Variants in GLT8D2 observed in about 807,000 individuals in gnomAD.
GLT8D2 encodes glycosyltransferase 8 domain containing 2, also known as glycosyltransferase 8 domain-containing protein 2.
Under a neutral mutation model 44.5 loss-of-function variants are expected in GLT8D2, and 45 were observed. The ratio of observed to expected loss-of-function variants is 1.01; its 90% CI spans 0.80 to 1.30. GLT8D2 has a LOEUF of 1.30. GLT8D2 is among the 50% of genes most tolerant of loss of function. The pLI is 0.00. For synonymous variants in GLT8D2, 156 were observed against 157.2 expected (o/e 0.99, Z 0.06); for missense variants, 400 against 430.4 (o/e 0.93, Z 0.62).
chr12:104,053,038 G>A (rs1463186323), upstream of GLT8D2, among the ~76,000 whole-genome samples: 2 of 152,164 alleles, frequency 1.3e-5, no homozygotes, highest in Non-Finnish European at 2.9e-5. Flanking sequence ...ACACATGAGC[G>A]AAAATAAGAA....
intron 3 of GLT8D2, 129 bp from the exon 4 acceptor site, chr12:104,015,234 A>G: frequency 1.5e-6 from 1 of 651,906 alleles, no homozygotes; most frequent in Non-Finnish European, 2.7e-6. Context: ...CCTTTCTATA[A>G]GCAGACAGCA....
chr12:104,024,455 A>C (rs961167981), intron 1 of GLT8D2, among the ~76,000 whole-genome samples: 10 of 152,122 alleles, frequency 6.6e-5, no homozygotes, highest in Admixed American at 6.6e-5. Context: ...AAGAAAAAGA[A>C]AGAAACTGAC....
In GLT8D2 at chr12:104,003,163, C is replaced by G; in HGVS notation, c.256G>C (p.Gly86Arg). 6.2e-7 allele frequency: 1 copy of G among 1,613,916 alleles called. No individual in the cohort carries two copies. The highest frequency in any genetic ancestry group is 8.5e-7 in the Non-Finnish European group (1 of 1,179,946). ...TDANILFYVVGLRNTLTRIRK... is the reference protein window; with the variant it reads ...TDANILFYVVRLRNTLTRIRK... ...ATTCGAGTCAGAGTATTCCGGAGTC[C>G]CACTACATAGAACAAGATGTTGGCG... Residue 86 changes from glycine (G) to arginine (R), a missense_variant, in exon 5 of 11, where the codon GGA becomes CGA. Gly to Arg is a moderately radical substitution (Grantham distance 125). Transcript: ENST00000360814.
intron 4 of GLT8D2, among the ~76,000 whole-genome samples, chr12:104,006,544 G>A (rs1875036965): frequency 1.3e-5 from 2 of 152,152 alleles, no homozygotes; most frequent in South Asian, 4.1e-4. Context: ...GAGGTGGCAT[G>A]AAGAGATAAC....
chr12:104,024,015 T>C (rs1418364741), intron 1 of GLT8D2, among the ~76,000 whole-genome samples: 4 of 152,158 alleles, frequency 2.6e-5, no homozygotes, highest in African/African-American at 4.8e-5. Flanking sequence ...GGTTTTTGTG[T>C]GAATAGAGGG....
chr12:104,015,396 AC>A (rs1876432305), intron 3 of GLT8D2, among the ~76,000 whole-genome samples: 1 of 102,784 alleles, frequency 9.7e-6, no homozygotes. Flanking sequence ...AACAACAAAC[AC>A]ACACACACAC....
At chr12:104,056,699 T>C (rs985897615) in intron 1 of GLT8D2, among the ~76,000 whole-genome samples, 26 of 152,362 alleles carry the variant, frequency 1.7e-4, no homozygotes, top group African/African-American at 5.1e-4. Context: ...GTTACCACAG[T>C]ATATTCACTG....
At chr12:103,999,766 C>T (rs145686804) in intron 5 of GLT8D2, among the ~76,000 whole-genome samples, 3 of 152,290 alleles carry the variant, frequency 2.0e-5, no homozygotes, top group African/African-American at 7.2e-5. Context: ...CCAAATCTCT[C>T]CCCAGATCCA....
intron 3 of GLT8D2, 74 bp downstream of exon 3, chr12:104,019,556 A>G (rs982614602): frequency 8.5e-7 from 1 of 1,176,708 alleles, no homozygotes; most frequent in Non-Finnish European, 1.2e-6. Flanking sequence ...AGAAGAAAAG[A>G]GCCAAGCCCC....
intron 1 of GLT8D2, among the ~76,000 whole-genome samples, chr12:104,045,937 A>AAGAGAAAG (rs68019401): frequency 2.6e-5 from 3 of 113,566 alleles, no homozygotes; most frequent in Non-Finnish European, 5.6e-5. Flanking sequence ...GAAAGAAAGA[A>AAGAGAAAG]AAAGAAAGAA....
intron 1 of GLT8D2, among the ~76,000 whole-genome samples, chr12:104,032,069 A>G (rs1229786936): frequency 3.7e-5 from 5 of 136,354 alleles, no homozygotes; most frequent in African/African-American, 1.4e-4. Flanking sequence ...CTAGGTTGGG[A>G]TCAATCCTGA....
chr12:104,043,076 C>T (rs1399010194), intron 1 of GLT8D2, among the ~76,000 whole-genome samples: 1 of 152,222 alleles, frequency 6.6e-6, no homozygotes, highest in African/African-American at 2.4e-5. Context: ...CTCTCTCCTC[C>T]TTACATGCTT....
chr12:104,004,658 G>C (rs1231169836), intron 4 of GLT8D2, among the ~76,000 whole-genome samples: 1 of 152,132 alleles, frequency 6.6e-6, no homozygotes, highest in Non-Finnish European at 1.5e-5. Flanking sequence ...AAATACCTAG[G>C]AATCCAACTT....
intron 10 of GLT8D2, 125 bp downstream of exon 10, chr12:103,993,267 G>A: frequency 1.4e-6 from 1 of 734,554 alleles, no homozygotes; most frequent in African/African-American, 1.7e-5. Flanking sequence ...GGAAGCGGAG[G>A]TTCCAGTGAG....
At chr12:104,041,607 T>C (rs1447743000) in intron 1 of GLT8D2, among the ~76,000 whole-genome samples, 2 of 152,112 alleles carry the variant, frequency 1.3e-5, no homozygotes, top group Non-Finnish European at 2.9e-5. Flanking sequence ...AAAGCTAAGA[T>C]GGGATAAGGG....
intron 1 of GLT8D2, among the ~76,000 whole-genome samples, chr12:104,028,002 G>A (rs1313445569): frequency 6.6e-6 from 1 of 152,190 alleles, no homozygotes; most frequent in African/African-American, 2.4e-5. Flanking sequence ...GTAACTATGA[G>A]ACCACTCCAG....
chr12:104,054,177 C>A (rs776409050), upstream of GLT8D2, among the ~76,000 whole-genome samples: 7 of 152,096 alleles, frequency 4.6e-5, no homozygotes, highest in African/African-American at 7.2e-5. Flanking sequence ...TTTTCCCCAT[C>A]CCCTCACCCT....
intron 1 of GLT8D2, among the ~76,000 whole-genome samples, chr12:104,023,063 A>AT (rs576440803): frequency 6.6e-6 from 1 of 152,098 alleles, no homozygotes; most frequent in African/African-American, 2.4e-5. Flanking sequence ...TGACAAGCAA[A>AT]TTTTTTTCCA....
At chr12:103,994,792 C>CCT (rs1206529436) in intron 8 of GLT8D2, among the ~76,000 whole-genome samples, 1 of 152,146 alleles carries the variant, frequency 6.6e-6, no homozygotes, top group Admixed American at 6.5e-5. Context: ...ACAGCCCTGA[C>CCT]CTCTCCTCTG....
Sources: allele counts gnomAD v4.1 joint callset (sites outside exome capture counted in the v4.1 genomes callset), GRCh38; gene constraint gnomAD v4.1.1; transcripts MANE v1.5; gene names NCBI Gene and HGNC (gene_info 2026-07-23, HGNC 2026-07-21).